The following LRRC4C variants were observed in gnomAD, a reference collection of about 807,000 sequenced individuals.
LRRC4C encodes the protein leucine rich repeat containing 4C, also known as leucine-rich repeat-containing protein 4C.
LRRC4C carries 5 observed loss-of-function variants against 33.6 expected under a neutral mutation model. That is an observed-to-expected ratio of 0.15 (90% CI 0.08 to 0.31). The LOEUF is 0.31. LRRC4C is among the 10% of genes least tolerant of loss of function. The pLI is 1.00. For synonymous variants in LRRC4C, 329 were observed against 302.0 expected, an observed-to-expected ratio of 1.09 and a Z score of -0.93; for missense variants, 560 against 796.7, an observed-to-expected ratio of 0.70 and a Z score of 3.58.
At chr11:41,424,465 A>G (rs1445054444) in intron 1 of LRRC4C, among the ~76,000 whole-genome samples, 1 of 152,092 alleles carries the variant, frequency 6.6e-6, no homozygotes, top group African/African-American at 2.4e-5. Flanking sequence ...AAGGAATGAA[A>G]AATAGAAGGA....
chr11:40,673,036 A>G (rs1591431888), intron 2 of LRRC4C, among the ~76,000 whole-genome samples: 1 of 135,462 alleles, frequency 7.4e-6, no homozygotes, highest in Admixed American at 6.9e-5. Context: ...TCTTAAAAGA[A>G]AAAAAAAAAC....
intron 1 of LRRC4C, among the ~76,000 whole-genome samples, chr11:41,430,940 A>G (rs1955211628): frequency 6.6e-6 from 1 of 152,220 alleles, no homozygotes; most frequent in Admixed American, 6.5e-5. Flanking sequence ...GTAATACACA[A>G]AATCTTTTAC....
At chr11:40,297,976 C>T (rs991261363) in intron 4 of LRRC4C, among the ~76,000 whole-genome samples, 1 of 152,196 alleles carries the variant, frequency 6.6e-6, no homozygotes, top group African/African-American at 2.4e-5. Flanking sequence ...CCCCCCCAAC[C>T]TCCAAACCAT....
At chr11:41,278,450 A>G (rs1255723138) in intron 1 of LRRC4C, among the ~76,000 whole-genome samples, 1 of 152,224 alleles carries the variant, frequency 6.6e-6, no homozygotes, top group East Asian at 1.9e-4. Context: ...GTGAGGACTT[A>G]CTGTATACTT....
At chr11:40,624,682 TACA>T (rs1962766579) in intron 3 of LRRC4C, among the ~76,000 whole-genome samples, 1 of 152,146 alleles carries the variant, frequency 6.6e-6, no homozygotes, top group Non-Finnish European at 1.5e-5. Context: ...CTGGTTGTCT[TACA>T]ACAAGTTATG....
chr11:41,092,385 A>C (rs1483625617), intron 1 of LRRC4C, among the ~76,000 whole-genome samples: 1 of 152,210 alleles, frequency 6.6e-6, no homozygotes, highest in Non-Finnish European at 1.5e-5. Context: ...TCTATGCCAC[A>C]GGCACTTAAT....
chr11:40,253,621 C>G (rs1590827592), intron 4 of LRRC4C, among the ~76,000 whole-genome samples: 1 of 152,268 alleles, frequency 6.6e-6, no homozygotes, highest in Non-Finnish European at 1.5e-5. Context: ...ATGATTTGCT[C>G]TTAGTAAAAT....
intron 5 of LRRC4C, among the ~76,000 whole-genome samples, chr11:40,152,214 G>A (rs867668260): frequency 2.0e-5 from 3 of 152,302 alleles, no homozygotes; most frequent in Middle Eastern, 3.4e-3. Flanking sequence ...GTTTGCGGGA[G>A]AAGTTTCTAA....
At chr11:40,701,184 T>A (rs1945847947) in intron 2 of LRRC4C, among the ~76,000 whole-genome samples, 1 of 152,170 alleles carries the variant, frequency 6.6e-6, no homozygotes, top group Non-Finnish European at 1.5e-5. Context: ...AAGGAGTCAC[T>A]CTCCCAGTGC....
chr11:40,641,047 A>G (rs1224027063), intron 3 of LRRC4C, among the ~76,000 whole-genome samples: 1 of 151,662 alleles, frequency 6.6e-6, no homozygotes, highest in African/African-American at 2.4e-5. Context: ...TAAATTTAAA[A>G]AAACCTAATA....
chr11:41,340,742 T>G (rs1257562864), intron 1 of LRRC4C, among the ~76,000 whole-genome samples: 1 of 152,146 alleles, frequency 6.6e-6, no homozygotes, highest in Non-Finnish European at 1.5e-5. Flanking sequence ...AGATGGAGCT[T>G]ATAGCATTGT....
At chr11:40,803,931 T>C (rs1459424025) in intron 2 of LRRC4C, among the ~76,000 whole-genome samples, 1 of 152,232 alleles carries the variant, frequency 6.6e-6, no homozygotes, top group Non-Finnish European at 1.5e-5. Context: ...CCAATTGTAC[T>C]TTTTTAGATA....
At chr11:40,736,661 T>C (rs1252713743) in intron 2 of LRRC4C, among the ~76,000 whole-genome samples, 1 of 152,088 alleles carries the variant, frequency 6.6e-6, no homozygotes, top group African/African-American at 2.4e-5. Flanking sequence ...TTCTCCACAT[T>C]GTTTCCAGTA....
chr11:41,163,299 T>TTTTTTTTTTTTTTTTTTTA (rs1944563938), intron 1 of LRRC4C, among the ~76,000 whole-genome samples: 1 of 136,796 alleles, frequency 7.3e-6, no homozygotes. Context: ...TTTTTTTTTT[T>TTTTTTTTTTTTTTTTTTTA]TTCAAACAGG....
In LRRC4C at chr11:40,749,241, A is replaced by G. The variant is rs150540814; in HGVS notation, c.-406-100963T>C. ...TGTTAGATCACAAAACAAATTCAAC[A>G]TTTACTTTAAGTGAAATCATATCAA... On this transcript the variant is annotated intron_variant, in intron 2 of 6. Transcript: ENST00000528697. Among the ~76,000 whole-genome samples, 452 of 152,250 alleles carry G rather than the reference A, an allele frequency of 3.0e-3. 2 individuals carry two copies. Among genetic ancestry groups the G allele is most frequent in the Middle Eastern group, 6.8e-3 (2 of 294 alleles).
chr11:40,584,176 T>TATATATA (rs1219143620), intron 3 of LRRC4C, among the ~76,000 whole-genome samples: 2 of 38,436 alleles, frequency 5.2e-5, no homozygotes, highest in Non-Finnish European at 1.1e-4. Flanking sequence ...CACGCACACT[T>TATATATA]CATATATATA....
intron 2 of LRRC4C, among the ~76,000 whole-genome samples, chr11:40,826,067 C>T (rs1048821350): frequency 6.6e-6 from 1 of 151,480 alleles, no homozygotes; most frequent in Admixed American, 6.6e-5. Flanking sequence ...AAATAAGGGG[C>T]AGATTTATAA....
At chr11:40,437,014 G>A (rs1380428237) in intron 3 of LRRC4C, among the ~76,000 whole-genome samples, 1 of 152,172 alleles carries the variant, frequency 6.6e-6, no homozygotes. Flanking sequence ...AGTCAGGGAT[G>A]AGCAGCTGCT....
chr11:40,293,287 C>G (rs1481697899), intron 4 of LRRC4C: 1 of 150,874 alleles, frequency 6.6e-6, no homozygotes, highest in African/African-American at 2.4e-5. Flanking sequence ...CCTCCCCCCG[C>G]TACTTTTTTT....
Sources: gnomAD v4.1 joint callset for allele counts (sites outside exome capture counted in the v4.1 genomes callset) on GRCh38, gnomAD v4.1.1 for gene constraint, MANE v1.5 for transcripts, NCBI Gene and HGNC (gene_info 2026-07-23, HGNC 2026-07-21) for gene names.